PDZD2: variants seen among roughly 807,000 people sequenced by gnomAD.
PDZD2 encodes PDZ domain-containing protein 2.
A neutral mutation model predicts 220.7 loss-of-function variants in PDZD2; 90 were observed. The observed-to-expected ratio is 0.41, with a 90% CI of 0.34 to 0.49. The LOEUF (loss-of-function observed/expected upper bound fraction) is 0.49, where lower values mean the gene tolerates loss of function less well. Ranked by LOEUF, PDZD2 falls within the 20% of genes least tolerant of loss-of-function variation. The probability of loss-of-function intolerance (pLI) is 0.28; values close to 1 mark genes in which losing one functional copy is unlikely to be tolerated. For missense variants in PDZD2, 3,174 were observed against 3,608.5 expected (o/e 0.88, Z 3.08); for synonymous variants, 1,375 against 1,450.5 (o/e 0.95, Z 1.18).
chr5:31,649,494 A>C (rs1745260605), intron 1 of PDZD2, among the ~76,000 whole-genome samples: 4 of 151,990 alleles, frequency 2.6e-5, no homozygotes, highest in African/African-American at 9.7e-5. Context: ...TGTTTGAAAT[A>C]AAATATTTGA....
At chr5:31,659,127 A>G (rs559266801) in intron 1 of PDZD2, among the ~76,000 whole-genome samples, 4 of 152,222 alleles carry the variant, frequency 2.6e-5, no homozygotes, top group African/African-American at 7.2e-5. Flanking sequence ...CTTCTCAGAC[A>G]CTGCTTTTCT....
rs1424605453 is a variant in PDZD2, at chr5:32,077,620, C to T, written c.3682+14C>T. 4 of 1,613,120 alleles carry T rather than the reference C, an allele frequency of 2.5e-6. No homozygotes were observed. Among genetic ancestry groups the T allele is most frequent in the African/African-American group, 2.7e-5 (2 of 74,900 alleles). On this transcript the variant is annotated intron_variant, in intron 19 of 24. Transcript: ENST00000438447. ...AACCCATGACTGGTAAGATTATTTT[C>T]CCATTTGTTAATCTTAAAGTAGGTG... is the stretch of plus-strand genomic sequence containing the variant.
At chr5:32,078,388 T>C (rs1741532006) in intron 19 of PDZD2, among the ~76,000 whole-genome samples, 1 of 152,036 alleles carries the variant, frequency 6.6e-6, no homozygotes, top group African/African-American at 2.4e-5. Flanking sequence ...TCCCAGCACT[T>C]TGGGAAGCTG....
At chr5:31,855,064 C>T (rs1252834681) in intron 2 of PDZD2, 2 of 985,280 alleles carry the variant, frequency 2.0e-6, no homozygotes, top group South Asian at 4.7e-5. Context: ...CCCGGGGGCG[C>T]GGAGACCGGC....
chr5:31,849,963 C>CGTGT (rs1757878218), intron 2 of PDZD2, among the ~76,000 whole-genome samples: 1 of 29,458 alleles, frequency 3.4e-5, no homozygotes, highest in African/African-American at 2.7e-4. Context: ...TATATATATA[C>CGTGT]ACATATATAT....
intron 2 of PDZD2, among the ~76,000 whole-genome samples, chr5:31,926,636 T>A (rs1448271374): frequency 6.6e-6 from 1 of 152,184 alleles, no homozygotes; most frequent in Non-Finnish European, 1.5e-5. Context: ...TAAGTTAGTT[T>A]GACCACTGTG....
At chr5:31,959,143 G>C (rs1747989705) in intron 2 of PDZD2, among the ~76,000 whole-genome samples, 1 of 150,870 alleles carries the variant, frequency 6.6e-6, no homozygotes, top group Admixed American at 6.6e-5. Flanking sequence ...ATATTGGCCA[G>C]GCTGGTCTTC....
chr5:31,769,094 C>G (rs1201925913), intron 1 of PDZD2, among the ~76,000 whole-genome samples: 4 of 152,206 alleles, frequency 2.6e-5, no homozygotes, highest in African/African-American at 9.6e-5. Flanking sequence ...CGCTGGAGAT[C>G]CACATCCCTG....
intron 1 of PDZD2, among the ~76,000 whole-genome samples, chr5:31,641,961 A>G (rs1744964275): frequency 6.6e-6 from 1 of 151,494 alleles, no homozygotes; most frequent in South Asian, 2.1e-4. Flanking sequence ...AGACCCCACT[A>G]CCCCCGGCTG....
intron 2 of PDZD2, among the ~76,000 whole-genome samples, chr5:31,901,959 T>C (rs1346552267): frequency 6.6e-6 from 1 of 152,240 alleles, no homozygotes; most frequent in East Asian, 1.9e-4. Context: ...TATCACCAAA[T>C]GGTAGTCCAA....
intron 1 of PDZD2, chr5:31,661,520 A>C (rs1005853898): frequency 2.0e-5 from 3 of 152,216 alleles, no homozygotes; most frequent in African/African-American, 7.2e-5. Flanking sequence ...CTCAACTTGC[A>C]GATAACCTGT....
At chr5:32,005,958 C>T (rs1288017051) in intron 5 of PDZD2, among the ~76,000 whole-genome samples, 1 of 151,982 alleles carries the variant, frequency 6.6e-6, no homozygotes, top group South Asian at 2.1e-4. Context: ...ACCAGCCTGC[C>T]CAACATGGTG....
At chr5:31,888,770 A>T (rs1348527630) in intron 2 of PDZD2, among the ~76,000 whole-genome samples, 4 of 152,320 alleles carry the variant, frequency 2.6e-5, no homozygotes, top group Non-Finnish European at 5.9e-5. Flanking sequence ...ACTGATTTTA[A>T]CTGCCTGTGA....
At chr5:31,907,347 CTCT>C (rs1266480053) in intron 2 of PDZD2, among the ~76,000 whole-genome samples, 1 of 152,208 alleles carries the variant, frequency 6.6e-6, no homozygotes, top group Non-Finnish European at 1.5e-5. Flanking sequence ...TGTCTGGCAT[CTCT>C]TCTTATAAGG....
At chr5:31,733,406 G>A (rs531862356) in intron 1 of PDZD2, among the ~76,000 whole-genome samples, 32 of 152,140 alleles carry the variant, frequency 2.1e-4, no homozygotes, top group Non-Finnish European at 3.8e-4. Flanking sequence ...TCTTTCCCCC[G>A]TTCTCTTGCT....
At chr5:32,034,314 G>A (rs574155534) in intron 6 of PDZD2, among the ~76,000 whole-genome samples, 1 of 151,538 alleles carries the variant, frequency 6.6e-6, no homozygotes, top group African/African-American at 2.4e-5. Flanking sequence ...TCTGAAGGTC[G>A]ATAGCCTGGG....
At chr5:31,979,765 A>G (rs574161877) in intron 2 of PDZD2, among the ~76,000 whole-genome samples, 1 of 152,296 alleles carries the variant, frequency 6.6e-6, no homozygotes, top group East Asian at 1.9e-4. Flanking sequence ...ACAGATGAGG[A>G]AACTAAAGTG....
intron 1 of PDZD2, among the ~76,000 whole-genome samples, chr5:31,706,165 A>G (rs79080862): frequency 6.6e-6 from 1 of 152,208 alleles, no homozygotes; most frequent in Non-Finnish European, 1.5e-5. Flanking sequence ...GTAGGTATTC[A>G]ATAAATATTT....
chr5:31,908,463 TAGGAG>T, intron 2 of PDZD2: 1 of 831,054 alleles, frequency 1.2e-6, no homozygotes, highest in Admixed American at 2.5e-5. Flanking sequence ...AGATGGTCTG[TAGGAG>T]AGAGGGTAAC....
Sources: allele counts gnomAD v4.1 joint callset (sites outside exome capture counted in the v4.1 genomes callset), GRCh38; gene constraint gnomAD v4.1.1; transcripts MANE v1.5; gene names NCBI Gene and HGNC (gene_info 2026-07-23, HGNC 2026-07-21).